LOC400499: variants seen among roughly 807,000 people sequenced by gnomAD.
At chr16:11,457,756 G>T in the LOC400499 span, among the ~76,000 whole-genome samples, 1 of 152,102 alleles carries the variant, frequency 6.6e-6, no homozygotes, top group Admixed American at 6.5e-5. Context: ...CCAAAAAATG[G>T]AAGCAACCCA....
At chr16:11,374,652 G>C in the LOC400499 span, among the ~76,000 whole-genome samples, 1 of 152,136 alleles carries the variant, frequency 6.6e-6, no homozygotes, top group Admixed American at 6.6e-5. Flanking sequence ...GGTAGCGTGT[G>C]TCAGAATTTC....
At chr16:11,516,369 G>A in the LOC400499 span, 3 of 398,682 alleles carry the variant, frequency 7.5e-6, no homozygotes, top group East Asian at 3.6e-5. Flanking sequence ...CTTGCAGACT[G>A]CCAGAGGCCA....
At chr16:11,450,346 G>C in the LOC400499 span, among the ~76,000 whole-genome samples, 1 of 152,238 alleles carries the variant, frequency 6.6e-6, no homozygotes. Context: ...AGTCCCGTTT[G>C]ACTTGCTTTC....
the LOC400499 span, among the ~76,000 whole-genome samples, chr16:11,388,872 A>C: frequency 6.6e-6 from 1 of 152,128 alleles, no homozygotes; most frequent in Admixed American, 6.5e-5. Flanking sequence ...AAGTTGCTTG[A>C]GCTCAGGAGT....
chr16:11,459,536 T>G, the LOC400499 span, among the ~76,000 whole-genome samples: 1 of 152,204 alleles, frequency 6.6e-6, no homozygotes, highest in Admixed American at 6.5e-5. Flanking sequence ...GTTAAATGTG[T>G]GCTGTGTAAG....
At chr16:11,496,424 G>A in the LOC400499 span, among the ~76,000 whole-genome samples, 289 of 152,318 alleles carry the variant, frequency 1.9e-3, 2 homozygotes, top group African/African-American at 6.4e-3. Context: ...GTGTTACTAC[G>A]CTAGGGTGTG....
At chr16:11,425,944 C>CT in the LOC400499 span, among the ~76,000 whole-genome samples, 1 of 152,062 alleles carries the variant, frequency 6.6e-6, no homozygotes, top group Non-Finnish European at 1.5e-5. Flanking sequence ...CACCAACTTT[C>CT]TTAACAAAGT....
chr16:11,433,979 G>A, the LOC400499 span, among the ~76,000 whole-genome samples: 1 of 152,210 alleles, frequency 6.6e-6, no homozygotes, highest in Non-Finnish European at 1.5e-5. Flanking sequence ...TCAGACACAA[G>A]ATGGGAGGAG....
the LOC400499 span, among the ~76,000 whole-genome samples, chr16:11,427,350 CAAAAAAAAAAA>C: frequency 5.4e-4 from 21 of 38,876 alleles, no homozygotes; most frequent in African/African-American, 8.9e-4. Context: ...CTCCATCTCA[CAAAAAAAAAAA>C]AAAAAAAAAA....
chr16:11,523,018 T>C, the LOC400499 span, among the ~76,000 whole-genome samples: 1 of 152,340 alleles, frequency 6.6e-6, no homozygotes, highest in African/African-American at 2.4e-5. Context: ...CATGTCAATT[T>C]CCTTGAGACA....
the LOC400499 span, among the ~76,000 whole-genome samples, chr16:11,426,447 AAAC>A: frequency 2.6e-3 from 393 of 152,302 alleles, 1 homozygote; most frequent in African/African-American, 9.0e-3. Context: ...TGTCTCTAAA[AAAC>A]AACAACAACA....
chr16:11,435,125 G>A, the LOC400499 span, among the ~76,000 whole-genome samples: 3 of 151,724 alleles, frequency 2.0e-5, no homozygotes, highest in African/African-American at 7.3e-5. Context: ...GACTACAGGT[G>A]CATGCCACCA....
chr16:11,423,590 C>T, the LOC400499 span, among the ~76,000 whole-genome samples: 35 of 152,334 alleles, frequency 2.3e-4, no homozygotes, highest in African/African-American at 7.0e-4. Flanking sequence ...ACACAGTCAG[C>T]GACGGTGCAG....
the LOC400499 span, among the ~76,000 whole-genome samples, chr16:11,378,891 G>T: frequency 6.6e-6 from 1 of 152,180 alleles, no homozygotes; most frequent in Non-Finnish European, 1.5e-5. Context: ...TGTGTGGTAG[G>T]TCCAACTGGT....
the LOC400499 span, chr16:11,450,539 C>A: frequency 7.5e-6 from 11 of 1,458,240 alleles, no homozygotes; most frequent in South Asian, 1.3e-5. Context: ...AGCTTTCATC[C>A]GCCTCTGCAC....
the LOC400499 span, chr16:11,387,067 G>A: frequency 8.2e-7 from 1 of 1,223,140 alleles, no homozygotes; most frequent in Non-Finnish European, 1.0e-6. Flanking sequence ...AGGAGGCAGG[G>A]GGCTCTCAGG....
the LOC400499 span, among the ~76,000 whole-genome samples, chr16:11,421,915 G>A: frequency 2.6e-5 from 4 of 152,108 alleles, no homozygotes; most frequent in African/African-American, 7.2e-5. Context: ...ACTTTAAAAC[G>A]GTTTTACATT....
At chr16:11,447,327 G>C in the LOC400499 span, among the ~76,000 whole-genome samples, 1 of 152,166 alleles carries the variant, frequency 6.6e-6, no homozygotes, top group Non-Finnish European at 1.5e-5. Context: ...ATTGGACACA[G>C]TGGTCAGGGT....
chr16:11,443,186 T>C, the LOC400499 span, among the ~76,000 whole-genome samples: 1 of 151,320 alleles, frequency 6.6e-6, no homozygotes, highest in Non-Finnish European at 1.5e-5. Context: ...TAGCCGGGTG[T>C]GGTCATGGGA....
Sources: allele counts gnomAD v4.1 joint callset (sites outside exome capture counted in the v4.1 genomes callset), GRCh38; gene constraint gnomAD v4.1.1; transcripts MANE v1.5.